Variants in PCDH11X observed in about 807,000 individuals in gnomAD.
PCDH11X encodes protocadherin-11 X-linked.
Under a neutral mutation model 53.3 loss-of-function variants are expected in PCDH11X, and 18 were observed. The observed-to-expected ratio is 0.34, with a 90% confidence interval of 0.23 to 0.50. The LOEUF is 0.50. PCDH11X is among the 20% of genes least tolerant of loss of function. The pLI is 0.98. For missense variants in PCDH11X, 570 were observed against 1,032.4 expected (o/e 0.55, Z 6.14); for synonymous variants, 279 against 393.3 (o/e 0.71, Z 3.44).
chrX:92,235,171 A>T lies in PCDH11X; in HGVS notation c.3115-27943A>T, dbSNP rs1046540201. ...AAAGAAAGAGAAATAAAAGCACAAA[A>T]TTTTTTTAAATATATTATAGTCCAT... On this transcript the variant is annotated intron_variant, in intron 7 of 10. Coordinates refer to ENST00000682573, the MANE Select transcript of PCDH11X (RefSeq NM_032968.5). Among the ~76,000 whole-genome samples the T allele has an allele frequency of 3.4e-4, 37 of 110,367 alleles. No individual in the cohort carries two copies. The East Asian group carries it at 4.3e-3, about 13-fold the overall frequency.
chrX:91,811,217 T>C lies in PCDH11X; in HGVS notation c.-103-20T>C. The C allele has an allele frequency of 8.4e-7, 1 of 1,194,627 alleles. No homozygotes were observed. The highest frequency in any genetic ancestry group is 1.1e-6 in the Non-Finnish European group (1 of 887,880). ...AAGACCTTTTTCTTCCCCTCCCTCT[T>C]TTTATCCCCCACTCAACAGCTGATT... On this transcript the variant is annotated intron_variant, in intron 3 of 10. Transcript: ENST00000682573.
intron 6 of PCDH11X, among the ~76,000 whole-genome samples, chrX:91,956,083 T>C (rs1402222709): frequency 1.8e-5 from 2 of 110,493 alleles, no homozygotes; most frequent in Non-Finnish European, 3.8e-5. Context: ...CAACCCCTGC[T>C]TTTTTCTATT....
intron 8 of PCDH11X, among the ~76,000 whole-genome samples, chrX:92,371,170 T>A (rs1257395664): frequency 9.0e-6 from 1 of 110,512 alleles, no homozygotes; most frequent in African/African-American, 3.3e-5. Flanking sequence ...GCCAGTGTAA[T>A]GTCTTATAAT....
chrX:92,472,616 T>C lies in PCDH11X; in HGVS notation c.3367+4294T>C, dbSNP rs1356394948. ...GCTATTAGGGCTATTTTTGGTACCA[T>C]ATAAATTTTTAAATATTTTTTTAAA... On this transcript the variant is annotated intron_variant, in intron 10 of 10. Coordinates refer to ENST00000682573, the MANE Select transcript of PCDH11X (RefSeq NM_032968.5). 1.0e-4 allele frequency among the ~76,000 whole-genome samples: 11 copies of C among 110,006 alleles called. 1 individual carries two copies. The highest frequency in any genetic ancestry group is 7.8e-4 in the Admixed American group (8 of 10,232).
chrX:91,907,140 A>T (rs189702343), intron 6 of PCDH11X, among the ~76,000 whole-genome samples: 73 of 111,394 alleles, frequency 6.6e-4, no homozygotes, highest in African/African-American at 2.3e-3. Context: ...TAGTGAAAGT[A>T]TAAAAATTAT....
At position 92,126,263 on chromosome X, in the gene PCDH11X, C is replaced by G. The variant is rs1463633711; in HGVS notation, c.3034-75112C>G. 5.4e-5 allele frequency among the ~76,000 whole-genome samples: 6 copies of G among 111,913 alleles called. No individual in the cohort carries two copies. The East Asian group carries it at 1.4e-3, about 26-fold the overall frequency. ...GCACATATGCATTTATGTTCTCCTA[C>G]TGTTTAATACATCATGACAGTCACA... On this transcript the variant is annotated intron_variant, in intron 6 of 10. Transcript: ENST00000682573.
intron 6 of PCDH11X, among the ~76,000 whole-genome samples, chrX:91,962,822 C>A (rs1052439122): frequency 2.7e-5 from 3 of 111,027 alleles, no homozygotes; most frequent in Non-Finnish European, 3.8e-5. Context: ...GGCTTCTGTG[C>A]ACCTGCAGGC....
At chrX:92,466,185 C>T (rs948066331) in intron 9 of PCDH11X, among the ~76,000 whole-genome samples, 7 of 110,455 alleles carry the variant, frequency 6.3e-5, no homozygotes, top group Non-Finnish European at 1.3e-4. Context: ...ATATAAAATT[C>T]GGTTGGATTA....
chrX:91,864,222 A>T (rs1022300405), intron 5 of PCDH11X, among the ~76,000 whole-genome samples: 4 of 109,952 alleles, frequency 3.6e-5, no homozygotes, highest in Admixed American at 2.9e-4. Context: ...GGAAATATTT[A>T]TTTCTCCTTC....
chrX:92,323,470 A>G, intron 8 of PCDH11X, among the ~76,000 whole-genome samples: 1 of 110,071 alleles, frequency 9.1e-6, no homozygotes, highest in Non-Finnish European at 1.9e-5. Flanking sequence ...TTCACTGGTG[A>G]CTTGGTGAGC....
chrX:92,502,467 A>G (rs1381704202), intron 10 of PCDH11X, among the ~76,000 whole-genome samples: 1 of 109,849 alleles, frequency 9.1e-6, no homozygotes, highest in African/African-American at 3.3e-5. Flanking sequence ...ACCTAACTTC[A>G]AACAGTGCTA....
chrX:92,120,989 T>G (rs1456765088), intron 6 of PCDH11X, among the ~76,000 whole-genome samples: 1 of 110,881 alleles, frequency 9.0e-6, no homozygotes, highest in Non-Finnish European at 1.9e-5. Context: ...TATTAAATTA[T>G]CTGACTATGT....
At chrX:92,027,507 C>T (rs891252716) in intron 6 of PCDH11X, among the ~76,000 whole-genome samples, 12 of 110,968 alleles carry the variant, frequency 1.1e-4, no homozygotes, top group South Asian at 3.7e-4. Flanking sequence ...GAAAGAGAAA[C>T]GGTAGTCATA....
intron 10 of PCDH11X, among the ~76,000 whole-genome samples, chrX:92,520,347 C>G (rs1351647222): frequency 9.4e-6 from 1 of 105,850 alleles, no homozygotes; most frequent in African/African-American, 3.4e-5. Flanking sequence ...AAAAATATTG[C>G]TAAAAAATGC....
intron 8 of PCDH11X, among the ~76,000 whole-genome samples, chrX:92,361,173 T>C (rs186768344): frequency 0.021 from 2,342 of 110,218 alleles, 40 homozygotes; most frequent in Non-Finnish European, 0.034. Context: ...TTTCTGAATC[T>C]TTCCTTTCAC....
intron 6 of PCDH11X, among the ~76,000 whole-genome samples, chrX:92,090,847 A>G (rs1306723365): frequency 8.9e-6 from 1 of 112,189 alleles, no homozygotes; most frequent in Non-Finnish European, 1.9e-5. Flanking sequence ...TGTCTGCAGC[A>G]TCAAACTCTC....
At chrX:91,936,874 C>A (rs1262542588) in intron 6 of PCDH11X, among the ~76,000 whole-genome samples, 2 of 106,418 alleles carry the variant, frequency 1.9e-5, no homozygotes, top group Non-Finnish European at 3.9e-5. Flanking sequence ...ATTATCTTCT[C>A]ATTTTATTAG....
chrX:92,151,297 A>G (rs1457817589), intron 6 of PCDH11X, among the ~76,000 whole-genome samples: 1 of 110,382 alleles, frequency 9.1e-6, no homozygotes, highest in Non-Finnish European at 1.9e-5. Flanking sequence ...GGTTCAAGCC[A>G]TTCTCCTGCC....
At chrX:92,298,101 T>C (rs1415488668) in intron 8 of PCDH11X, among the ~76,000 whole-genome samples, 31 of 111,696 alleles carry the variant, frequency 2.8e-4, no homozygotes, top group African/African-American at 9.5e-4. Flanking sequence ...ACAAGGACAG[T>C]TTGACTTGCT....
Sources: allele counts gnomAD v4.1 joint callset (sites outside exome capture counted in the v4.1 genomes callset), GRCh38; gene constraint gnomAD v4.1.1; transcripts MANE v1.5; gene names NCBI Gene and HGNC (gene_info 2026-07-23, HGNC 2026-07-21).